Variants in MIS18BP1 observed in about 807,000 individuals in gnomAD.
MIS18BP1 encodes mis18-binding protein 1.
Under a neutral mutation model 116.1 loss-of-function variants are expected in MIS18BP1, and 72 were observed. The ratio of observed to expected loss-of-function variants is 0.62; its 90% CI spans 0.51 to 0.75. The LOEUF is 0.75. Ranked by LOEUF, MIS18BP1 falls within the 30% of genes least tolerant of loss-of-function variation. The pLI is 0.00. For synonymous variants in MIS18BP1, 386 were observed against 427.0 expected, an observed-to-expected ratio of 0.90 and a Z score of 1.18; for missense variants, 1,363 against 1,303.2, an observed-to-expected ratio of 1.05 and a Z score of -0.71.
At position 45,227,740 on chromosome 14, in the gene MIS18BP1, T is replaced by G. The variant is rs1400372135; in HGVS notation, c.1669A>C (p.Lys557Gln). 3.1e-6 allele frequency: 5 copies of G among 1,614,004 alleles called. No individual in the cohort carries two copies. The highest frequency in any genetic ancestry group is 2.5e-6 in the Non-Finnish European group (3 of 1,179,858). Residue 557 changes from lysine to glutamine, a missense_variant, in exon 9 of 17, where the codon AAA becomes CAA. Lys to Gln is a moderately conservative substitution (Grantham distance 53, BLOSUM62 1). Coordinates refer to ENST00000310806, the MANE Select transcript of MIS18BP1 (RefSeq NM_018353.5). The part of the protein sequence containing the change: ...LNMCHSNCQN[K>Q]PTLRFPDDQV... ...TCATCTGGGAACCTTAATGTTGGTT[T>G]ATTTTGGCAATTACTGTGGCACATG... is the stretch of plus-strand genomic sequence containing the variant.
intron 8 of MIS18BP1, among the ~76,000 whole-genome samples, chr14:45,230,535 G>T (rs908974046): frequency 6.6e-6 from 1 of 152,026 alleles, no homozygotes; most frequent in South Asian, 2.1e-4. Context: ...AAATACTTTG[G>T]GTCAAGGAAA....
chr14:45,205,146 G>T (rs1022122530), intron 15 of MIS18BP1, among the ~76,000 whole-genome samples: 2 of 152,072 alleles, frequency 1.3e-5, no homozygotes, highest in Non-Finnish European at 2.9e-5. Context: ...ACTGTTTTAA[G>T]AAATTTTTGA....
At chr14:45,237,066 A>T (rs1891450536) in intron 5 of MIS18BP1, among the ~76,000 whole-genome samples, 1 of 148,936 alleles carries the variant, frequency 6.7e-6, no homozygotes. Context: ...CAGGCTGGAG[A>T]ACAGTTATAA....
chr14:45,214,837 C>T (rs1384416225), intron 13 of MIS18BP1, among the ~76,000 whole-genome samples: 6 of 152,124 alleles, frequency 3.9e-5, no homozygotes, highest in African/African-American at 9.7e-5. Context: ...CTGCAACCTC[C>T]CACTCCTGGG....
At chr14:45,210,617 G>A in intron 13 of MIS18BP1, 89 bp from the exon 14 acceptor site, 1 of 1,490,674 alleles carries the variant, frequency 6.7e-7, no homozygotes, top group South Asian at 1.2e-5. Flanking sequence ...TGATAAGTTG[G>A]TTCTTCTTGT....
intron 12 of MIS18BP1, among the ~76,000 whole-genome samples, 189 bp downstream of exon 12, chr14:45,218,093 C>T (rs1392482694): frequency 6.6e-6 from 1 of 152,100 alleles, no homozygotes; most frequent in African/African-American, 2.4e-5. Flanking sequence ...TACTAAACTA[C>T]TACTGATGGA....
intron 11 of MIS18BP1, among the ~76,000 whole-genome samples, chr14:45,219,498 A>G (rs1890915230): frequency 6.6e-6 from 1 of 152,196 alleles, no homozygotes; most frequent in South Asian, 2.1e-4. Context: ...AAGAGCATAT[A>G]TATATAATAA....
In MIS18BP1 at chr14:45,209,504, G is replaced by GT. The variant is rs200423289; in HGVS notation, c.3152+875dup. The stretch of plus-strand genomic sequence containing the variant: ...CACTGCATCCTGCTAACATTTTTGG[G>GT]TTTTTTTTGTAGAAATGGGGTCTTC... On this transcript the variant is annotated intron_variant, in intron 14 of 16. Coordinates refer to ENST00000310806, the MANE Select transcript of MIS18BP1 (RefSeq NM_018353.5). Among the ~76,000 whole-genome samples, 736 of 151,522 alleles carry GT rather than the reference G, an allele frequency of 4.9e-3. 1 individual carries two copies. Among genetic ancestry groups the GT allele is most frequent in the Non-Finnish European group, 6.8e-3 (459 of 67,786 alleles).
At position 45,223,949 on chromosome 14, in the gene MIS18BP1, A is replaced by G. The variant is rs190280845; in HGVS notation, c.2638T>C (p.Trp880Arg). Residue 880 changes from tryptophan to arginine, a missense_variant, in exon 11 of 17, where the codon TGG becomes CGG. By Grantham distance (101) the Trp-to-Arg change is moderately radical. Transcript: ENST00000310806. ...CLPGLIQDKE[W>R]NEKELQKLHC... ...AGTTTCTGTAACTCCTTCTCATTCC[A>G]TTCCTTATCCTGAATTAAACCAGGT... 190 of 1,591,870 alleles carry G rather than the reference A, an allele frequency of 1.2e-4. No individual in the cohort carries two copies. The highest frequency in any genetic ancestry group is 1.5e-4 in the Non-Finnish European group (181 of 1,174,064).
intron 1 of MIS18BP1, among the ~76,000 whole-genome samples, chr14:45,252,651 T>C (rs1335452169): frequency 2.0e-5 from 3 of 152,078 alleles, no homozygotes; most frequent in African/African-American, 7.2e-5. Flanking sequence ...AAGCATGCAA[T>C]TTAACCAGAA....
intron 7 of MIS18BP1, 194 bp from the exon 8 acceptor site, chr14:45,231,492 A>C (rs1312912896): frequency 4.3e-6 from 2 of 460,784 alleles, no homozygotes. Context: ...GTAACATCTT[A>C]AGTCAGAGGA....
At chr14:45,248,055 G>GTTTTTTTCTTTTTTT (rs1891770174) in intron 1 of MIS18BP1, among the ~76,000 whole-genome samples, 1 of 109,240 alleles carries the variant, frequency 9.2e-6, no homozygotes, top group African/African-American at 3.4e-5. Flanking sequence ...TGTTTCTTTC[G>GTTTTTTTCTTTTTTT]TTTTTTTTTT....
chr14:45,214,781 C>T (rs1418148145), intron 13 of MIS18BP1, among the ~76,000 whole-genome samples: 5 of 152,196 alleles, frequency 3.3e-5, no homozygotes, highest in South Asian at 4.1e-4. Context: ...GATGGAGTTT[C>T]GCTCTTGTTG....
At chr14:45,247,578 T>C (rs909239254) in intron 1 of MIS18BP1, among the ~76,000 whole-genome samples, 1 of 152,062 alleles carries the variant, frequency 6.6e-6, no homozygotes, top group Non-Finnish European at 1.5e-5. Context: ...TACACGCCTG[T>C]AGTCCTAGCT....
At chr14:45,208,922 G>A (rs748613468) in intron 14 of MIS18BP1, among the ~76,000 whole-genome samples, 3 of 152,140 alleles carry the variant, frequency 2.0e-5, no homozygotes, top group Non-Finnish European at 4.4e-5. Context: ...TTGCCAAATG[G>A]AATAGCCTAT....
At position 45,242,414 on chromosome 14, in the gene MIS18BP1, C is replaced by A; in HGVS notation, c.763G>T (p.Glu255Ter). Residue 255 changes from glutamate (E) to a stop codon, truncating the protein, a stop_gained, in exon 4 of 17, where the codon GAG (glutamate) becomes TAG (stop). Transcript: ENST00000310806. LOFTEE classifies it high-confidence loss of function. Reference sequence around the variant, plus strand: ...GATTTAGTGGTTGCAACTATACTCTCCTTTGAGTGAAAAATTTGTTTAGCC... The same window carrying A: ...GATTTAGTGGTTGCAACTATACTCTACTTTGAGTGAAAAATTTGTTTAGCC... ...QLAKQIFHSK[E>*]SIVATTKSKK... 1 of 1,613,864 alleles carries A rather than the reference C, an allele frequency of 6.2e-7. No homozygotes were observed. Among genetic ancestry groups the A allele is most frequent in the Non-Finnish European group, 8.5e-7 (1 of 1,179,958 alleles).
At chr14:45,244,824 A>C (rs779271549) in intron 2 of MIS18BP1, among the ~76,000 whole-genome samples, 8 of 152,116 alleles carry the variant, frequency 5.3e-5, no homozygotes, top group Non-Finnish European at 8.8e-5. Context: ...TAATCCACCA[A>C]CATCTGTGTA....
chr14:45,222,018 T>A (rs776657586), intron 11 of MIS18BP1, among the ~76,000 whole-genome samples: 15 of 152,252 alleles, frequency 9.9e-5, no homozygotes, highest in African/African-American at 1.4e-4. Context: ...CCTGGTTATT[T>A]TCTTCCTACT....
chr14:45,243,565 G>T (rs1162055427), intron 2 of MIS18BP1, among the ~76,000 whole-genome samples: 2 of 152,050 alleles, frequency 1.3e-5, no homozygotes, highest in Non-Finnish European at 2.9e-5. Context: ...AGCCTGAGAA[G>T]AATTATCTTA....
Sources: gnomAD v4.1 joint callset for allele counts (sites outside exome capture counted in the v4.1 genomes callset) on GRCh38, gnomAD v4.1.1 for gene constraint, MANE v1.5 for transcripts, NCBI Gene and HGNC (gene_info 2026-07-23, HGNC 2026-07-21) for gene names.